Variants in TBC1D5 observed in about 807,000 individuals in gnomAD.
The protein encoded by TBC1D5 is TBC1 domain family member 5.
Under a neutral mutation model 100.3 loss-of-function variants are expected in TBC1D5, and 75 were observed. The observed-to-expected ratio is 0.75, with a 90% CI of 0.62 to 0.91. The LOEUF (loss-of-function observed/expected upper bound fraction) is 0.91, where lower values mean the gene tolerates loss of function less well. Among genes scored for constraint, TBC1D5 ranks in the 40% least tolerant of loss-of-function variants. TBC1D5 has a pLI of 0.00. For missense variants in TBC1D5, 910 were observed against 942.4 expected (o/e 0.97, Z 0.45); for synonymous variants, 323 against 325.6 (o/e 0.99, Z 0.09).
chr3:17,297,585 AAAAT>A (rs1260975297), intron 14 of TBC1D5, among the ~76,000 whole-genome samples: 1 of 151,838 alleles, frequency 6.6e-6, no homozygotes, highest in Non-Finnish European at 1.5e-5. Flanking sequence ...AAAAAAAAAA[AAAAT>A]TTCTTTTTTG....
At chr3:17,252,889 C>A (rs921276217) in intron 16 of TBC1D5, among the ~76,000 whole-genome samples, 1 of 152,210 alleles carries the variant, frequency 6.6e-6, no homozygotes, top group Non-Finnish European at 1.5e-5. Flanking sequence ...TGAATGAATA[C>A]TTGTTCACTT....
At chr3:17,406,351 TC>T in intron 5 of TBC1D5, 66 bp downstream of exon 5, 1 of 1,407,322 alleles carries the variant, frequency 7.1e-7, no homozygotes, top group Non-Finnish European at 9.7e-7. Flanking sequence ...TGGCTAATCT[TC>T]CAGGGCATCA....
chr3:17,540,537 G>A (rs950612281), intron 2 of TBC1D5, among the ~76,000 whole-genome samples: 1 of 151,850 alleles, frequency 6.6e-6, no homozygotes, highest in African/African-American at 2.4e-5. Context: ...TTTTACATGT[G>A]GCTATCCCGT....
intron 13 of TBC1D5, among the ~76,000 whole-genome samples, chr3:17,358,511 A>T (rs1438861966): frequency 6.6e-6 from 1 of 151,992 alleles, no homozygotes; most frequent in Non-Finnish European, 1.5e-5. Context: ...CACTATTTTT[A>T]ATTGTTTAGG....
chr3:17,633,975 T>G (rs1301572432), intron 1 of TBC1D5, among the ~76,000 whole-genome samples: 1 of 152,172 alleles, frequency 6.6e-6, no homozygotes, highest in Non-Finnish European at 1.5e-5. Flanking sequence ...GTGCTCAACA[T>G]AACTGATCAT....
At chr3:17,428,398 TG>T in intron 4 of TBC1D5, 51 bp downstream of exon 4, 1 of 327,904 alleles carries the variant, frequency 3.0e-6, no homozygotes, top group Non-Finnish European at 4.3e-6. Flanking sequence ...ATATTATATG[TG>T]TGTGTGTGTG....
intron 19 of TBC1D5, among the ~76,000 whole-genome samples, chr3:17,175,239 A>G (rs1053141743): frequency 1.3e-5 from 2 of 152,242 alleles, no homozygotes; most frequent in African/African-American, 4.8e-5. Context: ...GGAGAGGAAC[A>G]TTACTTAGGA....
chr3:17,347,184 C>T (rs138051461), intron 13 of TBC1D5, among the ~76,000 whole-genome samples: 438 of 152,216 alleles, frequency 2.9e-3, no homozygotes, highest in African/African-American at 0.01. Flanking sequence ...CCTTCAAGTA[C>T]CAACTATGTG....
intron 3 of TBC1D5, among the ~76,000 whole-genome samples, chr3:17,461,250 T>C (rs1346012644): frequency 1.3e-5 from 2 of 152,216 alleles, no homozygotes; most frequent in African/African-American, 4.8e-5. Context: ...GTTCATGTTT[T>C]CTTTACACAC....
At chr3:17,383,788 CTGAT>C in intron 9 of TBC1D5, 121 bp downstream of exon 9, 2 of 626,736 alleles carry the variant, frequency 3.2e-6, no homozygotes, top group East Asian at 2.8e-5. Flanking sequence ...AAGCAACTCT[CTGAT>C]TGCTTTAGCA....
At chr3:17,331,183 C>T (rs1056587614) in intron 13 of TBC1D5, among the ~76,000 whole-genome samples, 5 of 152,180 alleles carry the variant, frequency 3.3e-5, no homozygotes, top group African/African-American at 7.2e-5. Flanking sequence ...AAACTCTTAA[C>T]CGAGATGGTA....
intron 13 of TBC1D5, among the ~76,000 whole-genome samples, chr3:17,354,650 AC>A (rs1296852816): frequency 2.0e-5 from 3 of 152,014 alleles, no homozygotes; most frequent in African/African-American, 7.2e-5. Flanking sequence ...GTGTTTTATT[AC>A]AGATAGGCTT....
intron 21 of TBC1D5, among the ~76,000 whole-genome samples, chr3:17,166,466 C>A (rs1038479100): frequency 5.3e-5 from 8 of 152,194 alleles, no homozygotes; most frequent in Non-Finnish European, 8.8e-5. Flanking sequence ...AGACAGAGAT[C>A]CAGCTTTCCC....
intron 3 of TBC1D5, among the ~76,000 whole-genome samples, chr3:17,460,904 G>C (rs1374707354): frequency 6.6e-6 from 1 of 152,058 alleles, no homozygotes; most frequent in Non-Finnish European, 1.5e-5. Flanking sequence ...TATATTTGGA[G>C]TTATAAAAAG....
chr3:17,681,140 T>C (rs190208043), intron 1 of TBC1D5, among the ~76,000 whole-genome samples: 4 of 151,716 alleles, frequency 2.6e-5, no homozygotes, highest in East Asian at 1.9e-4. Context: ...CTTAGAACTA[T>C]AGTAAAGTAT....
In TBC1D5 at chr3:17,279,987, C is replaced by T. The variant is rs375853212; in HGVS notation, c.1245+11908G>A. Among the ~76,000 whole-genome samples the T allele has an allele frequency of 3.3e-5, 5 of 152,254 alleles. No individual in the cohort carries two copies. The East Asian group carries it at 5.8e-4, about 18-fold the overall frequency. On this transcript the variant is annotated intron_variant, in intron 15 of 21. Coordinates refer to ENST00000253692, the Ensembl canonical transcript of TBC1D5. ...CTGCAATGAACATCGACTTCTCCTCCGGAAGAGAAATTTGAGGGCTTAGTT... is the reference window on the plus strand; with the variant it reads ...CTGCAATGAACATCGACTTCTCCTCTGGAAGAGAAATTTGAGGGCTTAGTT...
chr3:17,617,047 A>C (rs527398342), intron 2 of TBC1D5, among the ~76,000 whole-genome samples: 7 of 152,212 alleles, frequency 4.6e-5, no homozygotes, highest in African/African-American at 1.4e-4. Flanking sequence ...TTCCATGTTT[A>C]CTGCTTCCTT....
intron 1 of TBC1D5, among the ~76,000 whole-genome samples, chr3:17,720,625 T>C (rs375369153): frequency 2.4e-4 from 37 of 152,146 alleles, no homozygotes; most frequent in African/African-American, 5.1e-4. Flanking sequence ...TTGGGCAACA[T>C]AGGGAGACCC....
At chr3:17,252,685 G>A (rs2077277283) in intron 16 of TBC1D5, among the ~76,000 whole-genome samples, 1 of 152,174 alleles carries the variant, frequency 6.6e-6, no homozygotes, top group Non-Finnish European at 1.5e-5. Context: ...CAGCTTAGGA[G>A]TGCTCCTCTC....
Sources: gnomAD v4.1 joint callset for allele counts (sites outside exome capture counted in the v4.1 genomes callset) on GRCh38, gnomAD v4.1.1 for gene constraint, MANE v1.5 for transcripts, NCBI Gene and HGNC (gene_info 2026-07-23, HGNC 2026-07-21) for gene names.